SMCO4: variants seen among roughly 807,000 people sequenced by gnomAD.
The protein encoded by SMCO4 is single-pass membrane protein with coiled-coil domains 4, also known as single-pass membrane and coiled-coil domain-containing protein 4.
Under a neutral mutation model 3.6 loss-of-function variants are expected in SMCO4, and 4 were observed. That is an observed-to-expected ratio of 1.11 (90% CI 0.54 to 2.53). The LOEUF (loss-of-function observed/expected upper bound fraction) is 2.53, where lower values mean the gene tolerates loss of function less well. Among genes scored for constraint, SMCO4 ranks in the 30% most tolerant of loss-of-function variants. The pLI is 0.02. For missense variants in SMCO4, 70 were observed against 80.8 expected (o/e 0.87, Z 0.51); for synonymous variants, 36 against 35.3 (o/e 1.02, Z -0.07).
intron 1 of SMCO4, among the ~76,000 whole-genome samples, chr11:93,515,228 C>T (rs530837602): frequency 3.9e-5 from 6 of 152,106 alleles, no homozygotes; most frequent in Admixed American, 2.6e-4. Context: ...AAAAGTGGAG[C>T]GCGTTATTGG....
rs145789585 is a variant in SMCO4, at chr11:93,523,847, G to A, written c.-154+19429C>T. On this transcript the variant is annotated intron_variant, in intron 1 of 2. Coordinates refer to ENST00000298966, the MANE Select transcript of SMCO4 (RefSeq NM_020179.3). ...ACTGGGCATTTCTGAGAGGCTGTGT[G>A]GTTAACATGGACTTCCTTAGTTTTG... Among the ~76,000 whole-genome samples the A allele has an allele frequency of 2.9e-3, 440 of 152,236 alleles. 5 individuals carry two copies. Among genetic ancestry groups the A allele is most frequent in the East Asian group, 0.012 (61 of 5,188 alleles).
chr11:93,492,841 A>G (rs1380780613), intron 2 of SMCO4, among the ~76,000 whole-genome samples: 2 of 152,214 alleles, frequency 1.3e-5, no homozygotes, highest in Non-Finnish European at 2.9e-5. Flanking sequence ...TGCACTCTCA[A>G]TGCTTACCAT....
intron 2 of SMCO4, among the ~76,000 whole-genome samples, chr11:93,486,732 A>T (rs1185231510): frequency 6.6e-6 from 1 of 152,102 alleles, no homozygotes; most frequent in African/African-American, 2.4e-5. Context: ...GCTTGACCAG[A>T]CCTGGAGTCC....
At chr11:93,484,681 G>C (rs868827261) in intron 2 of SMCO4, among the ~76,000 whole-genome samples, 44 of 142,374 alleles carry the variant, frequency 3.1e-4, no homozygotes, top group Middle Eastern at 3.6e-3. Context: ...GGAAACACCA[G>C]GGAATTCTTT....
At chr11:93,517,759 C>T (rs2605625) in intron 1 of SMCO4, among the ~76,000 whole-genome samples, 50,267 of 151,994 alleles carry the variant, frequency 0.33, 8,801 homozygotes, top group East Asian at 0.63. Flanking sequence ...GGGGAGGCAA[C>T]TCACCAGGCC....
At chr11:93,507,725 T>C (rs1038490860) in intron 1 of SMCO4, among the ~76,000 whole-genome samples, 1 of 152,212 alleles carries the variant, frequency 6.6e-6, no homozygotes, top group African/African-American at 2.4e-5. Context: ...AGTTCTGATA[T>C]AGTTTCAAAG....
At chr11:93,486,538 G>A (rs1948652679) in intron 2 of SMCO4, among the ~76,000 whole-genome samples, 2 of 152,210 alleles carry the variant, frequency 1.3e-5, no homozygotes, top group Non-Finnish European at 2.9e-5. Context: ...CACGCTGGCT[G>A]GGCAGTCATT....
Position 93,478,992 on chromosome 11 carries a change from C to T in SMCO4, c.*18G>A, listed in dbSNP as rs781560857. On this transcript the variant is annotated 3_prime_UTR_variant, in exon 3 of 3. Transcript: ENST00000298966. ...GCCTCCTCTCCCTGCCGATGGGGTCCGCAGCCGGCTGCGGGGCTCACTCGG... is the reference window on the plus strand; with the variant it reads ...GCCTCCTCTCCCTGCCGATGGGGTCTGCAGCCGGCTGCGGGGCTCACTCGG... 3.8e-6 allele frequency: 6 copies of T among 1,589,564 alleles called. No individual in the cohort carries two copies. Among genetic ancestry groups the T allele is most frequent in the African/African-American group, 2.7e-5 (2 of 74,598 alleles).
intron 1 of SMCO4, among the ~76,000 whole-genome samples, chr11:93,524,177 C>T (rs1949085148): frequency 6.6e-6 from 1 of 152,114 alleles, no homozygotes; most frequent in African/African-American, 2.4e-5. Flanking sequence ...ATATATCTTA[C>T]CACAGCCTCT....
rs532847317 is a variant in SMCO4 at position 93,499,368 on chromosome 11, A to C, written c.-153-20T>G. On this transcript the variant is annotated intron_variant, in intron 1 of 2. Coordinates refer to ENST00000298966, the MANE Select transcript of SMCO4 (RefSeq NM_020179.3). ...TTATTCCTGTTGAGAAATTAGAAGA[A>C]AGGGTATAATAGCTGCTGGGGAGGT... The C allele has an allele frequency of 4.6e-5, 7 of 152,316 alleles. No individual in the cohort carries two copies. The South Asian group carries it at 1.5e-3, about 32-fold the overall frequency. 9.4% of individuals were successfully genotyped at this position (152,316 alleles called of 1,614,324 possible).
intron 1 of SMCO4, among the ~76,000 whole-genome samples, chr11:93,506,906 T>C (rs951786947): frequency 1.3e-5 from 2 of 152,160 alleles, no homozygotes; most frequent in African/African-American, 2.4e-5. Flanking sequence ...GAAGAAAAAG[T>C]ACTTGTGTGA....
At chr11:93,512,948 C>T (rs1948971604) in intron 1 of SMCO4, among the ~76,000 whole-genome samples, 1 of 152,166 alleles carries the variant, frequency 6.6e-6, no homozygotes, top group East Asian at 1.9e-4. Context: ...CAAAGCCTGG[C>T]ACATCTAGAA....
chr11:93,482,769 A>G (rs1948607169), intron 2 of SMCO4, among the ~76,000 whole-genome samples: 1 of 152,116 alleles, frequency 6.6e-6, no homozygotes, highest in African/African-American at 2.4e-5. Context: ...GCTGGCTGAC[A>G]CTCTGCTGCA....
At chr11:93,512,508 T>C (rs749761304) in intron 1 of SMCO4, among the ~76,000 whole-genome samples, 13 of 152,240 alleles carry the variant, frequency 8.5e-5, no homozygotes, top group Non-Finnish European at 1.5e-4. Flanking sequence ...GCAAGTACCC[T>C]ATACAGGTAT....
At chr11:93,507,031 T>A (rs1277846675) in intron 1 of SMCO4, among the ~76,000 whole-genome samples, 1 of 152,208 alleles carries the variant, frequency 6.6e-6, no homozygotes, top group Non-Finnish European at 1.5e-5. Flanking sequence ...TTGTCAAAAA[T>A]AAATACAGTG....
intron 1 of SMCO4, among the ~76,000 whole-genome samples, chr11:93,529,780 A>G (rs1336111753): frequency 6.6e-6 from 1 of 152,270 alleles, no homozygotes; most frequent in Non-Finnish European, 1.5e-5. Context: ...CCAGCAGGCC[A>G]GGCCCGCTGA....
chr11:93,497,343 G>C (rs1000195141), intron 2 of SMCO4, among the ~76,000 whole-genome samples: 2 of 152,232 alleles, frequency 1.3e-5, no homozygotes, highest in African/African-American at 4.8e-5. Context: ...GAATTAAGCT[G>C]ATCAAACCTG....
intron 1 of SMCO4, among the ~76,000 whole-genome samples, chr11:93,542,085 T>C (rs1949275276): frequency 6.9e-6 from 1 of 145,262 alleles, no homozygotes; most frequent in Admixed American, 7.1e-5. Flanking sequence ...CATACTGGTG[T>C]CTTGAATACA....
intron 1 of SMCO4, among the ~76,000 whole-genome samples, chr11:93,504,250 CA>C (rs1948877326): frequency 6.6e-6 from 1 of 152,126 alleles, no homozygotes; most frequent in Non-Finnish European, 1.5e-5. Flanking sequence ...AGAGCAACAC[CA>C]AAAAATTTAG....
Sources: allele counts gnomAD v4.1 joint callset (sites outside exome capture counted in the v4.1 genomes callset), GRCh38; gene constraint gnomAD v4.1.1; transcripts MANE v1.5; gene names NCBI Gene and HGNC (gene_info 2026-07-23, HGNC 2026-07-21).